Variants in JAG1 observed in about 807,000 individuals in gnomAD.
JAG1 encodes the protein protein jagged-1.
In JAG1, 23 loss-of-function variants were observed where a neutral mutation model predicts 148.7. The observed-to-expected ratio is 0.15, with a 90% CI of 0.11 to 0.22. The LOEUF (loss-of-function observed/expected upper bound fraction) is 0.22. Ranked by LOEUF, JAG1 falls within the 10% of genes least tolerant of loss-of-function variation. The pLI, the probability that JAG1 is intolerant of heterozygous loss-of-function variation, is 1.00. For missense variants in JAG1, 1,054 were observed against 1,611.2 expected, an observed-to-expected ratio of 0.65 and a Z score of 5.92; for synonymous variants, 572 against 598.3, an observed-to-expected ratio of 0.96 and a Z score of 0.64.
chr20:10,643,254 T>C (rs906295874), intron 20 of JAG1, among the ~76,000 whole-genome samples: 19 of 152,344 alleles, frequency 1.2e-4, no homozygotes, highest in Non-Finnish European at 2.6e-4. Context: ...GAGAAAGGGC[T>C]TGTAAAAAAG....
At chr20:10,658,427 A>G in intron 4 of JAG1, 41 bp downstream of exon 4, 1 of 1,610,662 alleles carries the variant, frequency 6.2e-7, no homozygotes, top group Non-Finnish European at 8.5e-7. Context: ...TGGACACTAA[A>G]AGCAACAGGC....
chr20:10,642,637 G>T, intron 20 of JAG1, 36 bp from the exon 21 acceptor site: 2 of 1,185,710 alleles, frequency 1.7e-6, no homozygotes, highest in South Asian at 1.2e-5. Flanking sequence ...GGGACTGATG[G>T]TGTGTGGCAA....
At chr20:10,661,798 G>A (rs889353051) in intron 3 of JAG1, among the ~76,000 whole-genome samples, 5 of 152,242 alleles carry the variant, frequency 3.3e-5, no homozygotes, top group Admixed American at 3.3e-4. Flanking sequence ...TCAGTCATGA[G>A]CAGATGGTGA....
At position 10,639,280 on chromosome 20, in the gene JAG1, G is replaced by C. The variant is rs1292610502; in HGVS notation, c.*218C>G. 1.6e-6 allele frequency: 1 copy of C among 620,378 alleles called. No individual in the cohort carries two copies. Among genetic ancestry groups the C allele is most frequent in the Non-Finnish European group, 3.0e-6 (1 of 338,470 alleles). The allele number at this position is 620,378 out of a possible 1,614,324, so 38.4% of individuals were successfully genotyped here. On this transcript the variant is annotated 3_prime_UTR_variant, in exon 26 of 26. Coordinates refer to ENST00000254958, the MANE Select transcript of JAG1 (RefSeq NM_000214.3). ...CGGCTGCAAGGGGACACACAACCAGGGTACTGTTGACTAGCTTTTTGCATA... is the reference window on the plus strand; with the variant it reads ...CGGCTGCAAGGGGACACACAACCAGCGTACTGTTGACTAGCTTTTTGCATA...
chr20:10,644,686 T>C (rs560233812), intron 18 of JAG1, 177 bp downstream of exon 18: 67 of 666,350 alleles, frequency 1.0e-4, no homozygotes, highest in African/African-American at 7.6e-4. Context: ...ACTTATCTTA[T>C]TGGCGACTTT....
In JAG1 at chr20:10,658,655, C is replaced by T. The variant is rs900132428; in HGVS notation, c.507G>A (p.Thr169=). The change falls in exon 4 of 26, where the codon ACG becomes ACA. Residue 169 remains threonine (T), a synonymous_variant. Coordinates refer to ENST00000254958, the MANE Select transcript of JAG1 (RefSeq NM_000214.3). ...GGGCAACGCCCGTGTTCTGCTTCAG[C>T]GTCTGCCACTGCCGGCTGGGGTTGA... is the stretch of plus-strand genomic sequence containing the variant. ...GMINPSRQWQ[T]LKQNTGVAHF... 3.7e-6 allele frequency: 6 copies of T among 1,614,126 alleles called. No homozygotes were observed. The highest frequency in any genetic ancestry group is 5.1e-6 in the Non-Finnish European group (6 of 1,180,038).
intron 2 of JAG1, 53 bp downstream of exon 2, chr20:10,672,648 G>C: frequency 1.3e-6 from 2 of 1,570,210 alleles, no homozygotes; most frequent in Non-Finnish European, 1.7e-6. Flanking sequence ...ACAGGGCTCG[G>C]CCAGGCGCGG....
At position 10,641,656 on chromosome 20, in the gene JAG1, C is replaced by A; in HGVS notation, c.2720G>T (p.Gly907Val). Residue 907 changes from glycine to valine, a missense_variant, in exon 23 of 26, where the codon GGG becomes GTG. Gly to Val is a moderately radical substitution (Grantham distance 109). Coordinates refer to ENST00000254958, the MANE Select transcript of JAG1 (RefSeq NM_000214.3). ...CTGCCCGCTGGGGCACTCGCTGTGCCCTTTGTGGAGCAGGCAAGGTCGAGG... is the reference window on the plus strand; with the variant it reads ...CTGCCCGCTGGGGCACTCGCTGTGCACTTTGTGGAGCAGGCAAGGTCGAGG... ...CGPRPCLLHKGHSECPSGQSC... is the reference protein window; with the variant it reads ...CGPRPCLLHKVHSECPSGQSC... 6.2e-7 allele frequency: 1 copy of A among 1,613,950 alleles called. No individual in the cohort carries two copies. Among genetic ancestry groups the A allele is most frequent in the Non-Finnish European group, 8.5e-7 (1 of 1,180,038 alleles).
At chr20:10,641,728 A>C in intron 22 of JAG1, 35 bp from the exon 23 acceptor site, 1 of 1,610,916 alleles carries the variant, frequency 6.2e-7, no homozygotes, top group Non-Finnish European at 8.5e-7. Flanking sequence ...CTTAGCAGGC[A>C]TGCTCATCCC....
intron 21 of JAG1, 54 bp downstream of exon 21, chr20:10,642,434 C>CA (rs2067278889): frequency 9.5e-6 from 10 of 1,050,706 alleles, no homozygotes; most frequent in Non-Finnish European, 1.0e-5. Context: ...ATGGTGACTG[C>CA]AAAGCTCGCT....
At chr20:10,651,820 G>A (rs995942344) in intron 7 of JAG1, 126 bp from the exon 8 acceptor site, 20 of 724,432 alleles carry the variant, frequency 2.8e-5, no homozygotes, top group East Asian at 5.4e-5. Flanking sequence ...AAAAGCAAGC[G>A]TGTGATAGAA....
chr20:10,666,321 G>A (rs2067453790), intron 2 of JAG1, among the ~76,000 whole-genome samples: 1 of 152,084 alleles, frequency 6.6e-6, no homozygotes, highest in Non-Finnish European at 1.5e-5. Context: ...CTTGACCTCT[G>A]TACATCCCTG....
chr20:10,651,821 T>C, intron 7 of JAG1, 127 bp from the exon 8 acceptor site: 1 of 724,328 alleles, frequency 1.4e-6, no homozygotes, highest in Non-Finnish European at 2.5e-6. Flanking sequence ...AAAGCAAGCG[T>C]GTGATAGAAC....
intron 20 of JAG1, among the ~76,000 whole-genome samples, chr20:10,643,546 G>A (rs1271449085): frequency 6.6e-6 from 1 of 152,092 alleles, no homozygotes; most frequent in Non-Finnish European, 1.5e-5. Context: ...TCTGTGACTG[G>A]CACTCTCTCC....
chr20:10,671,808 G>A (rs1340784808), intron 2 of JAG1, among the ~76,000 whole-genome samples: 8 of 152,198 alleles, frequency 5.3e-5, no homozygotes, highest in African/African-American at 1.9e-4. Flanking sequence ...TGCAGGATCT[G>A]CCAGCTGGGC....
Position 10,639,622 on chromosome 20 carries a change from A to G in JAG1, c.3533T>C (p.Leu1178Pro). The G allele has an allele frequency of 6.2e-7, 1 of 1,614,134 alleles. No homozygotes were observed. Among genetic ancestry groups the G allele is most frequent in the Non-Finnish European group, 8.5e-7 (1 of 1,180,000 alleles). Reference protein sequence around the residue: ...ARFAKQPAYTLVDREEKPPNG... With the variant: ...ARFAKQPAYTPVDREEKPPNG... The stretch of plus-strand genomic sequence containing the variant: ...GGGGGGCTTCTCTTCTCTGTCTACC[A>G]GCGTGTACGCCGGCTGCTTGGCAAA... The change falls in exon 26 of 26, where the codon CTG becomes CCG. Residue 1178 changes from leucine (L) to proline (P), a missense_variant. This residue lies in a region of JAG1 where 177 missense variants were observed against 177.3 expected (regional missense o/e 1.00). Transcript: ENST00000254958.
chr20:10,669,398 T>A lies in JAG1; in HGVS notation c.387+3303A>T, dbSNP rs150641023. 3.4e-3 allele frequency among the ~76,000 whole-genome samples: 511 copies of A among 151,704 alleles called. 3 individuals are homozygous for A. The highest frequency in any genetic ancestry group is 0.011 in the African/African-American group (470 of 41,338). ...ACCATATCTACAGAAGCTCAGGGAC[T>A]GGAAAAGACAGCAAAAGGCATAAAA... On this transcript the variant is annotated intron_variant, in intron 2 of 25. Coordinates refer to ENST00000254958, the MANE Select transcript of JAG1 (RefSeq NM_000214.3).
rs560603550 is a variant in JAG1 at position 10,642,543 on chromosome 20, G to A, written c.2517C>T (p.Ile839=). Residue 839 remains isoleucine (I), a synonymous_variant, in exon 21 of 26, where the codon ATC becomes ATT. Coordinates refer to ENST00000254958, the MANE Select transcript of JAG1 (RefSeq NM_000214.3). ...CAFGATCVDE[I]NGYRCVCPPG... ...GAGGGCAGACACACCGGTAGCCATTGATCTCATCCACACAGGTCGCTCCAA... is the reference window on the plus strand; with the variant it reads ...GAGGGCAGACACACCGGTAGCCATTAATCTCATCCACACAGGTCGCTCCAA... The A allele has an allele frequency of 3.5e-5, 56 of 1,614,006 alleles. No individual in the cohort carries two copies. In the East Asian group the frequency reaches 1.1e-3, roughly 33 times the overall value.
Position 10,667,389 on chromosome 20 carries a change from C to T in JAG1, c.388-3375G>A, listed in dbSNP as rs552924326. ...TGTTAGCATTATTTTTGGAGAGGCC[C>T]TATTATTCTCCATAATCCTCATTTC... On this transcript the variant is annotated intron_variant, in intron 2 of 25. Coordinates refer to ENST00000254958, the MANE Select transcript of JAG1 (RefSeq NM_000214.3). Among the ~76,000 whole-genome samples, 3 of 152,278 alleles carry T rather than the reference C, an allele frequency of 2.0e-5. No individual in the cohort carries two copies. In the East Asian group the frequency reaches 5.8e-4, roughly 29 times the overall value.
Sources: allele counts gnomAD v4.1 joint callset (sites outside exome capture counted in the v4.1 genomes callset), GRCh38; gene constraint gnomAD v4.1.1; regional missense constraint gnomAD v4.1.1; transcripts MANE v1.5; gene names NCBI Gene and HGNC (gene_info 2026-07-23, HGNC 2026-07-21).